ESR2: variants seen among roughly 807,000 people sequenced by gnomAD.
ESR2 encodes estrogen receptor 2.
In ESR2, 36 loss-of-function variants were observed where a neutral mutation model predicts 49.6. That is an observed-to-expected ratio of 0.73 (90% confidence interval 0.56 to 0.96). The LOEUF (loss-of-function observed/expected upper bound fraction) is 0.96. ESR2 is among the 40% of genes least tolerant of loss of function. ESR2 has a pLI of 0.00. For synonymous variants in ESR2, 320 were observed against 266.1 expected (o/e 1.20, Z -1.97); for missense variants, 714 against 693.0 (o/e 1.03, Z -0.34).
At chr14:64,280,824 A>G (rs2076651268) in intron 2 of ESR2, among the ~76,000 whole-genome samples, 1 of 152,224 alleles carries the variant, frequency 6.6e-6, no homozygotes, top group East Asian at 1.9e-4. Flanking sequence ...AGCTTGGCCA[A>G]CAAGGTGAAA....
chr14:64,250,341 A>G (rs2075963167), intron 6 of ESR2, among the ~76,000 whole-genome samples: 1 of 152,232 alleles, frequency 6.6e-6, no homozygotes, highest in African/African-American at 2.4e-5. Flanking sequence ...ATTATCTTCA[A>G]GCAAGGATTA....
At chr14:64,233,586 C>T (rs2098729454) in intron 8 of ESR2, 9 of 425,230 alleles carry the variant, frequency 2.1e-5, no homozygotes, top group Admixed American at 7.2e-5. Context: ...TCATTGTTTG[C>T]GGTAATTATG....
At chr14:64,288,871 A>T (rs2076824271) in intron 1 of ESR2, among the ~76,000 whole-genome samples, 1 of 151,326 alleles carries the variant, frequency 6.6e-6, no homozygotes, top group Non-Finnish European at 1.5e-5. Flanking sequence ...CTGTAAACCC[A>T]GCTACTCAGA....
rs985820035 is a variant in ESR2 at position 64,305,814 on chromosome 14, C to T, written c.-90-22739G>A. On this transcript the variant is annotated intron_variant, in intron 1 of 8. Transcript: ENST00000358599. ...GAACTACCTATGTACAGATTTAAGTCAATGTTAGGTATTTAACACTACCAA... is the reference window on the plus strand; with the variant it reads ...GAACTACCTATGTACAGATTTAAGTTAATGTTAGGTATTTAACACTACCAA... Among the ~76,000 whole-genome samples the T allele has an allele frequency of 3.3e-5, 5 of 152,158 alleles. No homozygotes were observed. The South Asian group carries it at 8.3e-4, about 25-fold the overall frequency.
intron 7 of ESR2, among the ~76,000 whole-genome samples, chr14:64,247,678 G>A (rs944678065): frequency 7.2e-5 from 11 of 152,168 alleles, no homozygotes; most frequent in East Asian, 1.9e-4. Flanking sequence ...CTAAAGGCTC[G>A]ACAAGAGTAA....
At chr14:64,294,663 C>T (rs1010971551), upstream of ESR2, among the ~76,000 whole-genome samples, 2 of 152,208 alleles carry the variant, frequency 1.3e-5, no homozygotes, top group African/African-American at 4.8e-5. Context: ...CTGATACAGC[C>T]AGTCTGGGGA....
intron 1 of ESR2, among the ~76,000 whole-genome samples, chr14:64,324,674 AT>A (rs1304712512): frequency 6.6e-6 from 1 of 152,188 alleles, no homozygotes; most frequent in Non-Finnish European, 1.5e-5. Context: ...AAGCATCTGA[AT>A]TTCCTGCTGA....
intron 3 of ESR2, among the ~76,000 whole-genome samples, chr14:64,279,561 A>T (rs753660306): frequency 2.0e-5 from 3 of 152,224 alleles, no homozygotes; most frequent in Non-Finnish European, 2.9e-5. Flanking sequence ...ACCATTTCCA[A>T]AAAATGTGTT....
intron 1 of ESR2, among the ~76,000 whole-genome samples, chr14:64,334,723 T>C (rs2077507656): frequency 6.6e-6 from 1 of 152,276 alleles, no homozygotes; most frequent in African/African-American, 2.4e-5. Flanking sequence ...CTCAGCTCAC[T>C]GCAACTTCTG....
At position 64,302,838 on chromosome 14, in the gene ESR2, G is replaced by C. The variant is rs147484397; in HGVS notation, c.-90-19763C>G. Among the ~76,000 whole-genome samples the C allele has an allele frequency of 1.9e-3, 285 of 152,068 alleles. 4 individuals carry two copies. The East Asian group carries it at 0.045, about 24-fold the overall frequency. On this transcript the variant is annotated intron_variant, in intron 1 of 8. Transcript: ENST00000358599. ...TTTGAGATGGAGTTTCACTGTTGTC[G>C]CCCAGGCTGGAGTGCAGTGGCACAA... is the stretch of plus-strand genomic sequence containing the variant.
intron 1 of ESR2, among the ~76,000 whole-genome samples, chr14:64,324,983 T>A (rs565999604): frequency 1.4e-4 from 21 of 152,212 alleles, no homozygotes; most frequent in Non-Finnish European, 2.8e-4. Context: ...CTGATAGCCA[T>A]ATTCATTACA....
intron 1 of ESR2, chr14:64,332,366 G>A (rs1039025497): frequency 6.6e-6 from 1 of 152,144 alleles, no homozygotes; most frequent in Non-Finnish European, 1.5e-5. Flanking sequence ...TTGGTCTAAC[G>A]TACAGTAAAT....
rs952517345 is a variant in ESR2, at chr14:64,228,878, A to C, written c.*4259T>G. The stretch of plus-strand genomic sequence containing the variant: ...CGATCATACATCACAGACAATGCAC[A>C]TCTTAAGAGCTGCCACTGGAGCCAA... On this transcript the variant is annotated 3_prime_UTR_variant, in exon 9 of 9. Coordinates refer to ENST00000341099, the MANE Select transcript of ESR2 (RefSeq NM_001437.3). 6.6e-6 allele frequency among the ~76,000 whole-genome samples: 1 copy of C among 152,240 alleles called. No homozygotes were observed. Among genetic ancestry groups the C allele is most frequent in the Non-Finnish European group, 1.5e-5 (1 of 68,030 alleles).
chr14:64,287,780 A>T lies in ESR2; in HGVS notation c.-90-4705T>A, dbSNP rs551911885. Among the ~76,000 whole-genome samples, 6 of 152,366 alleles carry T rather than the reference A, an allele frequency of 3.9e-5. No individual in the cohort carries two copies. In the East Asian group the frequency reaches 5.8e-4, roughly 15 times the overall value. ...AGAAGCCCTCCTCTAAAACAGAGAT[A>T]TAAACTGGTCAAAGGAAAGACTCCC... is the stretch of plus-strand genomic sequence containing the variant. On this transcript the variant is annotated intron_variant, in intron 1 of 8. Transcript: ENST00000341099.
chr14:64,289,509 T>C (rs1212013263), intron 1 of ESR2, among the ~76,000 whole-genome samples: 1 of 150,912 alleles, frequency 6.6e-6, no homozygotes, highest in Non-Finnish European at 1.5e-5. Flanking sequence ...CAAAACTTCA[T>C]TTCAAAAAAA....
intron 7 of ESR2, among the ~76,000 whole-genome samples, chr14:64,245,476 C>CA (rs1268574837): frequency 7.8e-6 from 1 of 127,446 alleles, no homozygotes; most frequent in Non-Finnish European, 1.5e-5. Context: ...CGCACCATTG[C>CA]ACTCCAGCCT....
In ESR2 at chr14:64,283,732, A is replaced by G. The variant is rs564105135; in HGVS notation, c.-90-657T>C. 1.3e-3 allele frequency among the ~76,000 whole-genome samples: 161 copies of G among 121,736 alleles called. 1 individual carries two copies. Among genetic ancestry groups the G allele is most frequent in the Non-Finnish European group, 1.6e-3 (96 of 60,240 alleles). 79.9% of individuals were successfully genotyped at this position (121,736 alleles called of 152,430 possible). On this transcript the variant is annotated intron_variant, in intron 1 of 8. Transcript: ENST00000341099. ...CACCGCGCTCCAGCCTGGGTGATAGAGTGAGACCCTGTCTCAAAAAAAAAA... is the reference window on the plus strand; with the variant it reads ...CACCGCGCTCCAGCCTGGGTGATAGGGTGAGACCCTGTCTCAAAAAAAAAA...
intron 7 of ESR2, among the ~76,000 whole-genome samples, chr14:64,247,686 T>C (rs2075892801): frequency 6.6e-6 from 1 of 151,944 alleles, no homozygotes; most frequent in African/African-American, 2.4e-5. Context: ...TCGACAAGAG[T>C]AAATGGCTAA....
intron 6 of ESR2, among the ~76,000 whole-genome samples, chr14:64,250,050 T>C (rs528594760): frequency 6.6e-6 from 1 of 152,340 alleles, no homozygotes; most frequent in African/African-American, 2.4e-5. Context: ...GCCCCAGATA[T>C]GACACGTATT....
Sources: allele counts gnomAD v4.1 joint callset (sites outside exome capture counted in the v4.1 genomes callset), GRCh38; gene constraint gnomAD v4.1.1; transcripts MANE v1.5; gene names NCBI Gene and HGNC (gene_info 2026-07-23, HGNC 2026-07-21).